CA1: variants seen among roughly 807,000 people sequenced by gnomAD.
CA1 encodes carbonate dehydratase I.
Under a neutral mutation model 28.8 loss-of-function variants are expected in CA1, and 27 were observed. The observed-to-expected ratio is 0.94, with a 90% CI of 0.69 to 1.29. The LOEUF is 1.29. CA1 is among the 50% of genes most tolerant of loss of function. The pLI is 0.00. For missense variants in CA1, 335 were observed against 310.5 expected (o/e 1.08, Z -0.59); for synonymous variants, 121 against 108.8 (o/e 1.11, Z -0.70).
At position 85,341,684 on chromosome 8, in the gene CA1, A is replaced by G. The variant is rs76351039; in HGVS notation, c.-24-25T>C. The G allele has an allele frequency of 1.1e-3, 1,314 of 1,245,064 alleles. 12 individuals carry two copies. The African/African-American group carries it at 0.016, about 15-fold the overall frequency. The allele number at this position is 1,245,064 out of a possible 1,614,324, so 77.1% of individuals were successfully genotyped here. ...TCTGAAAACAAAAATAATACCTGGA[A>G]TAACTAACTGCAACTGTGCATGCAG... On this transcript the variant is annotated intron_variant, in intron 1 of 7. Transcript: ENST00000523022.
intron 4 of CA1, among the ~76,000 whole-genome samples, chr8:85,334,507 A>G (rs186128234): frequency 5.3e-5 from 8 of 152,190 alleles, no homozygotes; most frequent in African/African-American, 1.2e-4. Context: ...TGATCATCCA[A>G]TATAAAGTAA....
intron 1 of CA1, among the ~76,000 whole-genome samples, chr8:85,356,168 TA>T (rs759549285): frequency 7.2e-5 from 11 of 152,186 alleles, no homozygotes; most frequent in Non-Finnish European, 1.3e-4. Flanking sequence ...TTGGTAAGAA[TA>T]AAATACCAAA....
At chr8:85,367,978 A>G (rs1227468817) in intron 1 of CA1, among the ~76,000 whole-genome samples, 1 of 152,146 alleles carries the variant, frequency 6.6e-6, no homozygotes, top group Non-Finnish European at 1.5e-5. Context: ...AAAATTATTT[A>G]TATGTATTAA....
intron 7 of CA1, among the ~76,000 whole-genome samples, chr8:85,329,381 G>A (rs1168653374): frequency 6.6e-6 from 1 of 152,112 alleles, no homozygotes; most frequent in African/African-American, 2.4e-5. Context: ...TTATTGAAAT[G>A]TCCAGTCACA....
At chr8:85,350,162 A>G (rs1373177378) in intron 1 of CA1, among the ~76,000 whole-genome samples, 1 of 152,190 alleles carries the variant, frequency 6.6e-6, no homozygotes, top group Non-Finnish European at 1.5e-5. Context: ...CAATAAGCAG[A>G]TTTCTAAGAT....
chr8:85,327,808 T>C lies in CA1; in HGVS notation c.*752A>G, dbSNP rs529429533. 5.3e-5 allele frequency: 8 copies of C among 152,334 alleles called. No individual in the cohort carries two copies. The highest frequency in any genetic ancestry group is 8.8e-5 in the Non-Finnish European group (6 of 68,030). 9.4% of individuals were successfully genotyped at this position (152,334 alleles called of 1,614,324 possible). A position where few individuals can be genotyped will look rare whatever the true frequency, so the allele number is the denominator to read the frequency against. ...TATGATTCTAAGCAAGAATGACTTC[T>C]TTAGCATTTTTATAAACCATTCACT... On this transcript the variant is annotated 3_prime_UTR_variant, in exon 8 of 8. Transcript: ENST00000523022.
In CA1 at chr8:85,330,026, C is replaced by T. The variant is rs1363000615; in HGVS notation, c.514-182G>A. On this transcript the variant is annotated intron_variant, in intron 6 of 7. Coordinates refer to ENST00000523022, the MANE Select transcript of CA1 (RefSeq NM_001128831.4). ...TTGTGGATATAAACAATAATATCAA[C>T]AGAAGAAAAAAAGATGAAAAATGTG... Among the ~76,000 whole-genome samples, 3 of 151,880 alleles carry T rather than the reference C, an allele frequency of 2.0e-5. No homozygotes were observed. In the East Asian group the frequency reaches 5.8e-4, roughly 29 times the overall value.
chr8:85,336,449 G>A (rs373594695), intron 4 of CA1, among the ~76,000 whole-genome samples: 14 of 152,156 alleles, frequency 9.2e-5, no homozygotes, highest in East Asian at 3.9e-4. Flanking sequence ...GTGAGAGCAG[G>A]TTAAGAGCCA....
chr8:85,331,662 T>G (rs923886955), intron 6 of CA1, among the ~76,000 whole-genome samples: 16 of 152,158 alleles, frequency 1.1e-4, no homozygotes, highest in African/African-American at 3.6e-4. Flanking sequence ...TTCACTATGT[T>G]GGCCAGGCTG....
intron 6 of CA1, among the ~76,000 whole-genome samples, chr8:85,330,495 A>AT (rs1247805393): frequency 6.6e-6 from 1 of 152,076 alleles, no homozygotes; most frequent in Non-Finnish European, 1.5e-5. Context: ...CCTTATTATA[A>AT]TTTTCAATTG....
chr8:85,376,266 G>A (rs954494076), intron 1 of CA1, among the ~76,000 whole-genome samples: 11 of 152,142 alleles, frequency 7.2e-5, no homozygotes, highest in Admixed American at 5.2e-4. Context: ...GGAGGCAGAG[G>A]TTGCAGTGAG....
At chr8:85,373,216 A>G (rs1810295454) in intron 1 of CA1, among the ~76,000 whole-genome samples, 1 of 152,236 alleles carries the variant, frequency 6.6e-6, no homozygotes, top group South Asian at 2.1e-4. Flanking sequence ...CGGAAAAGAC[A>G]TTAAATGGGT....
At chr8:85,338,135 C>T (rs777989325) in intron 3 of CA1, 117 bp downstream of exon 3, 1 of 961,862 alleles carries the variant, frequency 1.0e-6, no homozygotes, top group Admixed American at 1.7e-5. Flanking sequence ...TAGATTACAG[C>T]AATGCTGCAC....
intron 2 of CA1, among the ~76,000 whole-genome samples, chr8:85,340,499 A>G (rs1808871052): frequency 6.6e-6 from 1 of 152,200 alleles, no homozygotes; most frequent in African/African-American, 2.4e-5. Context: ...GATTGATGTT[A>G]TGCTTATGCC....
intron 1 of CA1, among the ~76,000 whole-genome samples, chr8:85,347,041 AAC>A (rs1185103014): frequency 6.6e-6 from 1 of 152,192 alleles, no homozygotes; most frequent in African/African-American, 2.4e-5. Context: ...ACCTTGTAGT[AAC>A]ATCCTTCATT....
intron 1 of CA1, among the ~76,000 whole-genome samples, chr8:85,355,312 T>C (rs549258003): frequency 3.3e-5 from 5 of 152,296 alleles, no homozygotes; most frequent in African/African-American, 7.2e-5. Flanking sequence ...AACTGAAGTA[T>C]GAAGGTGAAT....
chr8:85,367,307 C>T lies in CA1; in HGVS notation c.-25+10739G>A, dbSNP rs539085344. Reference sequence around the variant, plus strand: ...TATTGCCTTATAAAATTGGAAATCTCCTAACCAGATGAACACATGGAGAAG... The same window carrying T: ...TATTGCCTTATAAAATTGGAAATCTTCTAACCAGATGAACACATGGAGAAG... On this transcript the variant is annotated intron_variant, in intron 1 of 7. Coordinates refer to ENST00000523022, the MANE Select transcript of CA1 (RefSeq NM_001128831.4). 7.0e-4 allele frequency among the ~76,000 whole-genome samples: 107 copies of T among 152,080 alleles called. 4 individuals carry two copies. The South Asian group carries it at 0.022, about 31-fold the overall frequency.
In CA1 at chr8:85,331,383, A is replaced by T. The variant is rs532906301; in HGVS notation, c.513+1107T>A. 3.3e-5 allele frequency among the ~76,000 whole-genome samples: 5 copies of T among 152,018 alleles called. No individual in the cohort carries two copies. The East Asian group carries it at 9.6e-4, about 29-fold the overall frequency. ...AGTCTGACTTTTTTGTTGTTCTTCC[A>T]AAGAATCAACTTTTCAATTTATTGA... is the stretch of plus-strand genomic sequence containing the variant. On this transcript the variant is annotated intron_variant, in intron 6 of 7. Transcript: ENST00000523022.
At chr8:85,340,267 C>T (rs910489604) in intron 2 of CA1, among the ~76,000 whole-genome samples, 1 of 152,142 alleles carries the variant, frequency 6.6e-6, no homozygotes, top group Non-Finnish European at 1.5e-5. Flanking sequence ...TCTGAAAATC[C>T]TAGGACCCTT....
Sources: gnomAD v4.1 joint callset for allele counts (sites outside exome capture counted in the v4.1 genomes callset) on GRCh38, gnomAD v4.1.1 for gene constraint, MANE v1.5 for transcripts, NCBI Gene and HGNC (gene_info 2026-07-23, HGNC 2026-07-21) for gene names.